TMEM276: variants seen among roughly 807,000 people sequenced by gnomAD.
TMEM276 encodes transmembrane protein 276.
chr8:144,464,112 G>A, the TMEM276 span: 3 of 1,598,908 alleles, frequency 1.9e-6, no homozygotes, highest in African/African-American at 1.3e-5. Flanking sequence ...AACCCTGCCT[G>A]GCTGTATCCA....
the TMEM276 span, chr8:144,464,835 G>GA: frequency 6.2e-7 from 1 of 1,612,702 alleles, no homozygotes. Context: ...GCTGCGTGCA[G>GA]AGACACCACT....
the TMEM276 span, chr8:144,464,459 C>T: frequency 6.2e-7 from 1 of 1,612,338 alleles, no homozygotes; most frequent in South Asian, 1.1e-5. Flanking sequence ...TCCCCATTCA[C>T]CCAGTGGAAA....
At chr8:144,464,652 G>A in the TMEM276 span, 23 of 1,579,454 alleles carry the variant, frequency 1.5e-5, no homozygotes, top group South Asian at 6.9e-5. Context: ...GGAAAAAGAG[G>A]CCGGGGTCAC....
At chr8:144,466,543 C>T in the TMEM276 span, 2 of 1,140,368 alleles carry the variant, frequency 1.8e-6, no homozygotes, top group African/African-American at 1.7e-5. Flanking sequence ...CCGTGCAGCC[C>T]GTCGTCTCCC....
chr8:144,464,946 C>T, the TMEM276 span: 4 of 1,600,462 alleles, frequency 2.5e-6, no homozygotes, highest in East Asian at 2.2e-5. Context: ...ATAGGAGATA[C>T]TCAACTTTGG....
At chr8:144,465,141 C>A in the TMEM276 span, 1 of 1,440,474 alleles carries the variant, frequency 6.9e-7, no homozygotes, top group Non-Finnish European at 9.2e-7. Flanking sequence ...CGGGGGAAAA[C>A]GACTCAGGGT....
At chr8:144,464,665 T>C in the TMEM276 span, 1 of 1,573,680 alleles carries the variant, frequency 6.4e-7, no homozygotes, top group African/African-American at 1.4e-5. Flanking sequence ...GGGGTCACCC[T>C]TTTAAACAGG....
chr8:144,466,534 C>A, the TMEM276 span: 15 of 1,183,890 alleles, frequency 1.3e-5, no homozygotes, highest in Non-Finnish European at 1.4e-5. Context: ...CGGGGCTGGC[C>A]GTGCAGCCCG....
chr8:144,463,843 G>C, the TMEM276 span: 77 of 1,325,650 alleles, frequency 5.8e-5, no homozygotes, highest in Non-Finnish European at 9.6e-6. Context: ...AAATTCCTAA[G>C]ATTTATTGGA....
chr8:144,465,384 G>T, the TMEM276 span: 16 of 1,031,056 alleles, frequency 1.6e-5, no homozygotes, highest in African/African-American at 8.7e-5. Context: ...AGCGGCGAGC[G>T]GGAGGCCCGA....
At chr8:144,464,411 C>T in the TMEM276 span, 1 of 1,612,174 alleles carries the variant, frequency 6.2e-7, no homozygotes, top group Non-Finnish European at 8.5e-7. Context: ...ACTGCCAGCA[C>T]CATGCCTCCT....
At chr8:144,464,184 A>G in the TMEM276 span, 3 of 1,613,008 alleles carry the variant, frequency 1.9e-6, no homozygotes, top group Non-Finnish European at 2.5e-6. Flanking sequence ...AGCTGCCTAC[A>G]GCCAAGGCCC....
the TMEM276 span, chr8:144,464,441 A>T: frequency 6.2e-7 from 1 of 1,612,302 alleles, no homozygotes; most frequent in South Asian, 1.1e-5. Context: ...AGGTTGGCAG[A>T]GGAGCGGTCC....
the TMEM276 span, chr8:144,464,351 T>C: frequency 6.2e-7 from 1 of 1,611,742 alleles, no homozygotes; most frequent in Non-Finnish European, 8.5e-7. Flanking sequence ...ACCAACAGCA[T>C]TGCCTGACCA....
chr8:144,464,890 C>G, the TMEM276 span: 1 of 1,612,080 alleles, frequency 6.2e-7, no homozygotes, highest in Non-Finnish European at 8.5e-7. Flanking sequence ...CGGCCCCCGG[C>G]TTGGGGGCCA....
the TMEM276 span, chr8:144,464,166 G>A: frequency 1.2e-5 from 19 of 1,612,818 alleles, no homozygotes; most frequent in Non-Finnish European, 1.6e-5. Flanking sequence ...GGGCCCGGCA[G>A]TAAGCCCAGC....
the TMEM276 span, chr8:144,464,536 G>C: frequency 4.3e-6 from 7 of 1,612,170 alleles, no homozygotes; most frequent in South Asian, 7.7e-5. Context: ...GTCTTCGTGT[G>C]TGCTCAGCCC....
At chr8:144,464,033 AAG>A in the TMEM276 span, 1 of 1,531,668 alleles carries the variant, frequency 6.5e-7, no homozygotes, top group Non-Finnish European at 8.8e-7. Flanking sequence ...CAGTAGGCAG[AAG>A]AGTCTACCCC....
At chr8:144,464,036 A>T in the TMEM276 span, 5 of 1,535,084 alleles carry the variant, frequency 3.3e-6, no homozygotes, top group African/African-American at 6.9e-5. Flanking sequence ...TAGGCAGAAG[A>T]GTCTACCCCT....
Sources: gnomAD v4.1 joint callset for allele counts on GRCh38, gnomAD v4.1.1 for gene constraint, MANE v1.5 for transcripts, NCBI Gene and HGNC (gene_info 2026-07-23, HGNC 2026-07-21) for gene names.